Variants in CHD1L observed in about 807,000 individuals in gnomAD.
The protein encoded by CHD1L is ATP-dependent chromatin remodeler CHD1L.
A neutral mutation model predicts 115.9 loss-of-function variants in CHD1L; 118 were observed. The ratio of observed to expected loss-of-function variants is 1.02; its 90% CI spans 0.88 to 1.19. CHD1L has a LOEUF of 1.19. Among genes scored for constraint, CHD1L ranks in the 50% most tolerant of loss-of-function variants. The pLI is 0.00. For missense variants in CHD1L, 1,179 were observed against 1,065.3 expected, an observed-to-expected ratio of 1.11 and a Z score of -1.49; for synonymous variants, 411 against 387.1, an observed-to-expected ratio of 1.06 and a Z score of -0.72.
the CHD1L span, among the ~76,000 whole-genome samples, chr1:147,187,718 C>T: frequency 6.6e-6 from 1 of 152,068 alleles, no homozygotes; most frequent in Non-Finnish European, 1.5e-5. Flanking sequence ...AATTTGGAAT[C>T]CTGAAAGGAT....
Position 147,272,156 on chromosome 1 carries a change from T to C in CHD1L, c.1160-15T>C. On this transcript the variant is annotated splice_polypyrimidine_tract_variant and intron_variant, in intron 11 of 22. Coordinates refer to ENST00000369258, the MANE Select transcript of CHD1L (RefSeq NM_004284.6). ...AAAAGGGTTAAGATTTCTGTTTTTC[T>C]TCCTCTCTGTAAAGGCTACAGCTAT... The C allele has an allele frequency of 6.3e-7, 1 of 1,594,834 alleles. No individual in the cohort carries two copies. The highest frequency in any genetic ancestry group is 8.6e-7 in the Non-Finnish European group (1 of 1,168,964).
Position 147,272,891 on chromosome 1 carries a change from T to C in CHD1L, c.1270+610T>C, listed in dbSNP as rs868937509. On this transcript the variant is annotated intron_variant, in intron 12 of 22. Transcript: ENST00000369258. ...GGAGATGAAATGATTCTCTAAGTCA[T>C]TGTGGTGTCTGGAAAAAAAAAAAAA... 9.8e-4 allele frequency among the ~76,000 whole-genome samples: 114 copies of C among 116,010 alleles called. 2 individuals are homozygous for C. Among genetic ancestry groups the C allele is most frequent in the Middle Eastern group, 3.6e-3 (1 of 278 alleles). The allele number at this position is 116,010 out of a possible 152,430, so 76.1% of individuals were successfully genotyped here.
At chr1:147,179,236 G>T in the CHD1L span, 1 of 1,613,176 alleles carries the variant, frequency 6.2e-7, no homozygotes, top group Non-Finnish European at 8.5e-7. Context: ...AGAGAGCAAT[G>T]ATGGGCCTGT....
At chr1:147,204,690 A>G in the CHD1L span, 1 of 1,561,982 alleles carries the variant, frequency 6.4e-7, no homozygotes, top group African/African-American at 1.3e-5. Context: ...TTTTTGCAGC[A>G]GGATGCTGTA....
the CHD1L span, among the ~76,000 whole-genome samples, chr1:147,173,944 A>C: frequency 6.6e-6 from 1 of 152,224 alleles, no homozygotes; most frequent in African/African-American, 2.4e-5. Flanking sequence ...ACTGTAATCC[A>C]TTTCTAACCA....
the CHD1L span, among the ~76,000 whole-genome samples, chr1:147,202,617 C>T: frequency 2.0e-5 from 3 of 152,100 alleles, no homozygotes; most frequent in Non-Finnish European, 4.4e-5. Flanking sequence ...AGCACCTGGC[C>T]TAAAAAGTAG....
chr1:147,196,602 T>C, the CHD1L span, among the ~76,000 whole-genome samples: 1 of 151,954 alleles, frequency 6.6e-6, no homozygotes, highest in African/African-American at 2.4e-5. Flanking sequence ...TTAAAAAAAT[T>C]AAAAAATTTT....
the CHD1L span, among the ~76,000 whole-genome samples, chr1:147,193,046 T>C: frequency 0.037 from 5,621 of 152,206 alleles, 159 homozygotes; most frequent in South Asian, 0.095. Context: ...GGAAGATTCC[T>C]TCTTTTTCTA....
the CHD1L span, among the ~76,000 whole-genome samples, chr1:147,191,510 T>C: frequency 1.8e-4 from 27 of 150,882 alleles, no homozygotes; most frequent in East Asian, 4.3e-3. Flanking sequence ...TCATATCCTT[T>C]GCCCACTTTT....
At chr1:147,187,196 T>A in the CHD1L span, 23 of 1,614,098 alleles carry the variant, frequency 1.4e-5, no homozygotes, top group Non-Finnish European at 1.9e-5. Flanking sequence ...AGCTCTTCCA[T>A]GGTATCTATG....
At chr1:147,230,499 G>T in the CHD1L span, among the ~76,000 whole-genome samples, 1 of 90,090 alleles carries the variant, frequency 1.1e-5, no homozygotes, top group Non-Finnish European at 1.9e-5. Flanking sequence ...CCAGGCTTTG[G>T]GTATCAGGAT....
the CHD1L span, among the ~76,000 whole-genome samples, chr1:147,218,125 A>G: frequency 1.3e-5 from 2 of 152,240 alleles, no homozygotes; most frequent in African/African-American, 4.8e-5. Context: ...AAAATAATAT[A>G]AAGTCAAATG....
chr1:147,238,767 T>C (rs1189761021), upstream of CHD1L, among the ~76,000 whole-genome samples: 3 of 152,198 alleles, frequency 2.0e-5, no homozygotes, highest in Non-Finnish European at 4.4e-5. Flanking sequence ...CATTCAAACA[T>C]TCAACAATAT....
chr1:147,291,247 G>C (rs1685417364), intron 19 of CHD1L, among the ~76,000 whole-genome samples: 1 of 152,108 alleles, frequency 6.6e-6, no homozygotes. Context: ...ATGTCTACAG[G>C]GGTACTTTGT....
chr1:147,256,691 A>C, intron 5 of CHD1L, 129 bp downstream of exon 5: 1 of 827,770 alleles, frequency 1.2e-6, no homozygotes, highest in Non-Finnish European at 2.0e-6. Flanking sequence ...GTTTATGGGT[A>C]GGCGGCATGG....
the CHD1L span, among the ~76,000 whole-genome samples, chr1:147,227,716 T>C: frequency 6.6e-6 from 1 of 152,218 alleles, no homozygotes; most frequent in Admixed American, 6.5e-5. Flanking sequence ...AGATAACATA[T>C]GAGGCTTTTG....
At chr1:147,219,364 C>T in the CHD1L span, among the ~76,000 whole-genome samples, 856 of 152,042 alleles carry the variant, frequency 5.6e-3, 7 homozygotes, top group African/African-American at 0.019. Context: ...GAAAACCAGT[C>T]GACTTATTAA....
chr1:147,178,721 T>G, the CHD1L span: 1 of 1,578,498 alleles, frequency 6.3e-7, no homozygotes, highest in Non-Finnish European at 8.7e-7. Context: ...GGAGATGGTA[T>G]CATCTTATTT....
intron 15 of CHD1L, 150 bp downstream of exon 15, chr1:147,280,341 A>T (rs1292202495): frequency 1.3e-6 from 1 of 780,404 alleles, no homozygotes; most frequent in African/African-American, 1.8e-5. Context: ...GACTTGCTTG[A>T]TAAAAGAACG....
Sources: allele counts gnomAD v4.1 joint callset (sites outside exome capture counted in the v4.1 genomes callset), GRCh38; gene constraint gnomAD v4.1.1; transcripts MANE v1.5; gene names NCBI Gene and HGNC (gene_info 2026-07-23, HGNC 2026-07-21).